The following B3GALNT2 variants were observed in gnomAD, a reference collection of about 807,000 sequenced individuals.
B3GALNT2 encodes the protein beta-1,3-N-acetylgalactosaminyltransferase 2.
Under a neutral mutation model 61.1 loss-of-function variants are expected in B3GALNT2, and 53 were observed. That is an observed-to-expected ratio of 0.87 (90% CI 0.70 to 1.09). B3GALNT2 has a LOEUF of 1.09. B3GALNT2 is among the 50% of genes least tolerant of loss of function. The pLI is 0.00. For missense variants in B3GALNT2, 544 were observed against 623.0 expected (o/e 0.87, Z 1.35); for synonymous variants, 223 against 237.4 (o/e 0.94, Z 0.56).
At chr1:235,503,994 G>C in intron 1 of B3GALNT2, 147 bp downstream of exon 1, 12 of 907,958 alleles carry the variant, frequency 1.3e-5, no homozygotes, top group Non-Finnish European at 1.7e-5. Context: ...AACGCTCCAA[G>C]GATGAAAAGA....
At chr1:235,496,005 A>G (rs1287281747) in intron 1 of B3GALNT2, among the ~76,000 whole-genome samples, 1 of 152,164 alleles carries the variant, frequency 6.6e-6, no homozygotes, top group East Asian at 1.9e-4. Flanking sequence ...CACAATAGAT[A>G]TATTTCTTAA....
At chr1:235,470,356 G>A (rs979989373) in intron 6 of B3GALNT2, among the ~76,000 whole-genome samples, 9 of 151,976 alleles carry the variant, frequency 5.9e-5, no homozygotes, top group Admixed American at 1.3e-4. Flanking sequence ...TTTGGGAAGC[G>A]TAGGTGGGCG....
intron 1 of B3GALNT2, among the ~76,000 whole-genome samples, chr1:235,503,489 G>C (rs12028383): frequency 2.6e-5 from 4 of 152,232 alleles, no homozygotes; most frequent in African/African-American, 9.6e-5. Context: ...TAAAGAATTT[G>C]ATATTTCCAT....
At chr1:235,463,448 T>C (rs1365476295) in intron 7 of B3GALNT2, 1 of 151,882 alleles carries the variant, frequency 6.6e-6, no homozygotes, top group Admixed American at 6.6e-5. Context: ...GGTTTTCTTT[T>C]TTTTTTTTGC....
In B3GALNT2 at chr1:235,447,422, G is replaced by GAA. The variant is rs1427630816; in HGVS notation, c.*2782_*2783dup. Among the ~76,000 whole-genome samples, 1 of 152,184 alleles carries GAA rather than the reference G, an allele frequency of 6.6e-6. No individual in the cohort carries two copies. The highest frequency in any genetic ancestry group is 1.5e-5 in the Non-Finnish European group (1 of 68,034). On this transcript the variant is annotated 3_prime_UTR_variant, in exon 12 of 12. Coordinates refer to ENST00000366600, the MANE Select transcript of B3GALNT2 (RefSeq NM_152490.5). ...CACTATTTACCACAACCCGTCTTTG[G>GAA]AAAGAAGTTCATAGTGTATTCTGAA... is the stretch of plus-strand genomic sequence containing the variant.
At chr1:235,440,538 G>A in the B3GALNT2 span, among the ~76,000 whole-genome samples, 8 of 152,096 alleles carry the variant, frequency 5.3e-5, no homozygotes, top group East Asian at 1.9e-4. Context: ...GATTACAGGC[G>A]TCTGCCACCA....
chr1:235,489,640 T>A (rs1684973312), intron 2 of B3GALNT2, among the ~76,000 whole-genome samples: 3 of 152,218 alleles, frequency 2.0e-5, no homozygotes, highest in African/African-American at 7.2e-5. Flanking sequence ...TCAGAAAGTG[T>A]TCCTTTTGCT....
intron 5 of B3GALNT2, among the ~76,000 whole-genome samples, chr1:235,473,803 G>T (rs944434338): frequency 3.3e-5 from 5 of 152,172 alleles, no homozygotes; most frequent in African/African-American, 1.2e-4. Context: ...ATAGTGACCA[G>T]ATAAAAATCC....
intron 7 of B3GALNT2, chr1:235,463,508 AG>A (rs1289539955): frequency 6.6e-6 from 1 of 150,996 alleles, no homozygotes; most frequent in Non-Finnish European, 1.5e-5. Context: ...CAAGAGACCC[AG>A]AATAGCCAAT....
chr1:235,456,273 T>C (rs1488049540), intron 8 of B3GALNT2, among the ~76,000 whole-genome samples: 1 of 152,242 alleles, frequency 6.6e-6, no homozygotes, highest in Non-Finnish European at 1.5e-5. Context: ...GACTTCATTA[T>C]CTAGACGTAA....
intron 6 of B3GALNT2, 38 bp from the exon 7 acceptor site, chr1:235,465,752 A>G (rs1683664626): frequency 2.5e-6 from 4 of 1,599,326 alleles, no homozygotes; most frequent in Non-Finnish European, 3.4e-6. Context: ...ATTCATTACT[A>G]AAAATACACT....
chr1:235,452,888 G>A (rs905065408), intron 11 of B3GALNT2, among the ~76,000 whole-genome samples: 6 of 152,166 alleles, frequency 3.9e-5, no homozygotes, highest in African/African-American at 1.4e-4. Flanking sequence ...ACACTCAAAG[G>A]AAATGCTCAC....
chr1:235,454,185 T>G lies in B3GALNT2; in HGVS notation c.1282A>C (p.Ser428Arg), dbSNP rs769540544. The change falls in exon 10 of 12, where the codon AGC becomes CGC. Residue 428 changes from serine (S) to arginine (R), a missense_variant. By Grantham distance (110) the Ser-to-Arg change is moderately radical. Transcript: ENST00000366600. ...TAGGTCTTTAACCTCCCCGAGTTGC[T>G]TGCCAGCCACTTGACGATGTCCTTG... ...ISKDIVKWLA[S>R]NSGRLKTYQG... 6.2e-7 allele frequency: 1 copy of G among 1,612,094 alleles called. No individual in the cohort carries two copies. The highest frequency in any genetic ancestry group is 8.5e-7 in the Non-Finnish European group (1 of 1,179,220).
intron 3 of B3GALNT2, among the ~76,000 whole-genome samples, chr1:235,488,794 C>T (rs1294835177): frequency 4.0e-5 from 6 of 151,082 alleles, no homozygotes; most frequent in African/African-American, 1.5e-4. Context: ...TGGCTCATGC[C>T]TGCAATCCCA....
intron 1 of B3GALNT2, among the ~76,000 whole-genome samples, chr1:235,496,655 C>G (rs1685339795): frequency 6.6e-6 from 1 of 151,504 alleles, no homozygotes; most frequent in Admixed American, 6.6e-5. Flanking sequence ...AAGTGATTCT[C>G]CTGCCTCAGC....
chr1:235,494,972 T>A, intron 1 of B3GALNT2, 144 bp from the exon 2 acceptor site: 1 of 863,378 alleles, frequency 1.2e-6, no homozygotes, highest in Non-Finnish European at 1.7e-6. Flanking sequence ...AAATCACATA[T>A]GAACCCACTA....
intron 1 of B3GALNT2, among the ~76,000 whole-genome samples, chr1:235,496,979 G>A (rs1685358712): frequency 6.6e-6 from 1 of 152,170 alleles, no homozygotes; most frequent in African/African-American, 2.4e-5. Flanking sequence ...AAGCTATACA[G>A]CTTAATATAG....
In B3GALNT2 at chr1:235,448,496, C is replaced by A; in HGVS notation, c.*1710G>T. The stretch of plus-strand genomic sequence containing the variant: ...GTCAAGCTTAGTCCTCGTATTATGA[C>A]ATTAAACTGTCTCTAGATAGCAACA... On this transcript the variant is annotated 3_prime_UTR_variant, in exon 12 of 12. Coordinates refer to ENST00000366600, the MANE Select transcript of B3GALNT2 (RefSeq NM_152490.5). 1.3e-6 allele frequency: 2 copies of A among 1,529,676 alleles called. No individual in the cohort carries two copies. Among genetic ancestry groups the A allele is most frequent in the Non-Finnish European group, 1.8e-6 (2 of 1,103,440 alleles). The allele number at this position is 1,529,676 out of a possible 1,614,324, so 94.8% of individuals were successfully genotyped here. A position where few individuals can be genotyped will look rare whatever the true frequency, so the allele number is the denominator to read the frequency against.
chr1:235,480,647 G>A (rs1684515545), intron 4 of B3GALNT2, among the ~76,000 whole-genome samples: 1 of 152,048 alleles, frequency 6.6e-6, no homozygotes, highest in South Asian at 2.1e-4. Flanking sequence ...GCTCACGCTT[G>A]TAATCCCACC....
Sources: gnomAD v4.1 joint callset for allele counts (sites outside exome capture counted in the v4.1 genomes callset) on GRCh38, gnomAD v4.1.1 for gene constraint, MANE v1.5 for transcripts, NCBI Gene and HGNC (gene_info 2026-07-23, HGNC 2026-07-21) for gene names.